RABGAP1L: variants seen among roughly 807,000 people sequenced by gnomAD.
The protein encoded by RABGAP1L is rab GTPase-activating protein 1-like.
RABGAP1L carries 63 observed loss-of-function variants against 137.7 expected under a neutral mutation model. The observed-to-expected ratio is 0.46, with a 90% CI of 0.37 to 0.56. The LOEUF is 0.56. Ranked by LOEUF, RABGAP1L falls within the 20% of genes least tolerant of loss-of-function variation. The pLI, the probability that RABGAP1L is intolerant of heterozygous loss-of-function variation, is 0.00. For missense variants in RABGAP1L, 1,095 were observed against 1,244.0 expected, an observed-to-expected ratio of 0.88 and a Z score of 1.80; for synonymous variants, 431 against 433.7, an observed-to-expected ratio of 0.99 and a Z score of 0.08.
chr1:174,603,959 C>T (rs899368847), intron 13 of RABGAP1L, among the ~76,000 whole-genome samples: 4 of 151,630 alleles, frequency 2.6e-5, no homozygotes, highest in African/African-American at 9.7e-5. Flanking sequence ...CTCTCCTCTC[C>T]TCAAGCAGAA....
chr1:174,437,432 C>T (rs1347149783), intron 13 of RABGAP1L, among the ~76,000 whole-genome samples: 3 of 152,104 alleles, frequency 2.0e-5, no homozygotes, highest in East Asian at 3.8e-4. Context: ...GCACGAGCCT[C>T]AGTAACCGAT....
intron 13 of RABGAP1L, among the ~76,000 whole-genome samples, chr1:174,403,656 A>G (rs1648909638): frequency 6.6e-6 from 1 of 152,132 alleles, no homozygotes; most frequent in Non-Finnish European, 1.5e-5. Flanking sequence ...TAATATTAAT[A>G]ATGGATATTG....
chr1:174,181,406 C>T (rs902009830), intron 1 of RABGAP1L, among the ~76,000 whole-genome samples: 5 of 149,498 alleles, frequency 3.3e-5, no homozygotes, highest in Non-Finnish European at 7.4e-5. Flanking sequence ...GGCGTGATCT[C>T]GGCCCACTGC....
intron 13 of RABGAP1L, among the ~76,000 whole-genome samples, chr1:174,530,802 C>A (rs571746913): frequency 8.4e-6 from 1 of 119,292 alleles, no homozygotes; most frequent in East Asian, 2.6e-4. Flanking sequence ...TACATACATA[C>A]ATACATACAT....
At chr1:174,373,827 T>G (rs1175721415) in intron 12 of RABGAP1L, among the ~76,000 whole-genome samples, 1 of 152,198 alleles carries the variant, frequency 6.6e-6, no homozygotes, top group East Asian at 1.9e-4. Flanking sequence ...GGATATGTAG[T>G]CTGCAGATTC....
intron 14 of RABGAP1L, among the ~76,000 whole-genome samples, chr1:174,643,122 G>A (rs938274975): frequency 6.6e-6 from 1 of 151,986 alleles, no homozygotes; most frequent in Non-Finnish European, 1.5e-5. Flanking sequence ...CTGACTAAGC[G>A]CTCCTCCTAC....
At chr1:174,162,893 G>A (rs1188195268) in intron 1 of RABGAP1L, among the ~76,000 whole-genome samples, 1 of 123,324 alleles carries the variant, frequency 8.1e-6, no homozygotes, top group African/African-American at 3.1e-5. Context: ...TGAACAATGA[G>A]ATCACATGGA....
intron 13 of RABGAP1L, among the ~76,000 whole-genome samples, chr1:174,529,670 C>A (rs960691850): frequency 3.9e-5 from 6 of 152,124 alleles, no homozygotes; most frequent in Admixed American, 6.5e-5. Flanking sequence ...AGCAAGTGGG[C>A]AGGTTCTTAG....
chr1:174,633,139 G>T (rs1274903525), intron 13 of RABGAP1L, among the ~76,000 whole-genome samples: 1 of 151,164 alleles, frequency 6.6e-6, no homozygotes, highest in Non-Finnish European at 1.5e-5. Flanking sequence ...AAACCCCATC[G>T]TCTCAGCCCA....
At chr1:174,231,396 T>C (rs1258670377) in intron 4 of RABGAP1L, 41 bp downstream of exon 4, 1 of 1,556,566 alleles carries the variant, frequency 6.4e-7, no homozygotes, top group South Asian at 1.1e-5. Flanking sequence ...ATATTAAGTC[T>C]TTTGGGTGGT....
At chr1:174,921,679 C>T (rs1393302430) in intron 19 of RABGAP1L, among the ~76,000 whole-genome samples, 1 of 152,182 alleles carries the variant, frequency 6.6e-6, no homozygotes, top group Non-Finnish European at 1.5e-5. Flanking sequence ...CAGCTGCTAA[C>T]GAACTGTCTA....
intron 1 of RABGAP1L, among the ~76,000 whole-genome samples, chr1:174,192,574 G>A (rs534593620): frequency 1.1e-4 from 17 of 152,066 alleles, no homozygotes; most frequent in African/African-American, 3.4e-4. Context: ...CACCTGTCTC[G>A]GCCTCCCAAA....
rs1002855139 is a variant in RABGAP1L, at chr1:174,305,108, G to A, written c.1446G>A (p.Gln482=). The A allele has an allele frequency of 2.6e-6, 4 of 1,537,688 alleles. No individual in the cohort carries two copies. In the African/African-American group the frequency reaches 4.3e-5, roughly 17 times the overall value. ...PTSGGGPMSP[Q]DDEAEEESDN... ...GTGGAGGGGGTCCAATGTCACCCCA[G>A]GATGATGAAGCAGAAGAGGGTAAGA... Residue 482 remains glutamine (Q), a synonymous_variant, in exon 11 of 26, where the codon CAG becomes CAA. Transcript: ENST00000681986.
chr1:174,965,012 G>T (rs1323277457), intron 20 of RABGAP1L: 2 of 1,388,472 alleles, frequency 1.4e-6, no homozygotes, highest in Non-Finnish European at 2.0e-6. Context: ...ATCTATGTAT[G>T]TCTGTAACAT....
intron 19 of RABGAP1L, among the ~76,000 whole-genome samples, chr1:174,831,727 T>TA (rs201857412): frequency 0.012 from 1,700 of 147,674 alleles, 101 homozygotes; most frequent in African/African-American, 0.04. Flanking sequence ...TCTAGGTGAC[T>TA]AAAAAAAAAC....
intron 13 of RABGAP1L, among the ~76,000 whole-genome samples, chr1:174,610,122 G>A (rs1671088602): frequency 6.7e-6 from 1 of 149,746 alleles, no homozygotes; most frequent in South Asian, 2.1e-4. Context: ...AGTTACATAT[G>A]TATACATGTG....
intron 11 of RABGAP1L, among the ~76,000 whole-genome samples, chr1:174,324,012 A>G (rs1680235106): frequency 6.6e-6 from 1 of 152,190 alleles, no homozygotes; most frequent in Non-Finnish European, 1.5e-5. Context: ...ACTAAGAAGT[A>G]AATGGCAAGC....
At chr1:174,379,032 A>C (rs969866875) in intron 12 of RABGAP1L, among the ~76,000 whole-genome samples, 4 of 138,170 alleles carry the variant, frequency 2.9e-5, no homozygotes, top group African/African-American at 8.8e-5. Context: ...AGCACCATTT[A>C]TTAAATAGGG....
At chr1:174,353,491 G>A (rs1683367410) in intron 11 of RABGAP1L, among the ~76,000 whole-genome samples, 1 of 152,174 alleles carries the variant, frequency 6.6e-6, no homozygotes, top group South Asian at 2.1e-4. Context: ...TACAGTCCTT[G>A]TGGCCTAGAC....
Sources: allele counts gnomAD v4.1 joint callset (sites outside exome capture counted in the v4.1 genomes callset), GRCh38; gene constraint gnomAD v4.1.1; transcripts MANE v1.5; gene names NCBI Gene and HGNC (gene_info 2026-07-23, HGNC 2026-07-21).